SPTAN1: variants seen among roughly 807,000 people sequenced by gnomAD.
The protein encoded by SPTAN1 is spectrin alpha, non-erythrocytic 1, also known as spectrin alpha chain, non-erythrocytic 1.
A neutral mutation model predicts 331.3 loss-of-function variants in SPTAN1; 61 were observed. The ratio of observed to expected loss-of-function variants is 0.18; its 90% confidence interval spans 0.15 to 0.23. The LOEUF (loss-of-function observed/expected upper bound fraction) is 0.23, where lower values mean the gene tolerates loss of function less well. SPTAN1 is among the 10% of genes least tolerant of loss of function. The pLI, the probability that SPTAN1 is intolerant of heterozygous loss-of-function variation, is 1.00. For missense variants in SPTAN1, 2,043 were observed against 3,147.9 expected, an observed-to-expected ratio of 0.65 and a Z score of 8.40; for synonymous variants, 1,153 against 1,173.9, an observed-to-expected ratio of 0.98 and a Z score of 0.36.
Position 128,613,479 on chromosome 9 carries a change from C to T in SPTAN1, c.5142C>T (p.Ala1714=). ...KHQLLEADIS[A]HEDRLKDLNS... ...AACTGCTGGAAGCAGATATATCTGC[C>T]CATGAGGTAAGCAAAGGGAGGCGGG... Residue 1714 remains alanine, a synonymous_variant, in exon 40 of 57, where the codon GCC becomes GCT. Coordinates refer to ENST00000372739, the MANE Select transcript of SPTAN1 (RefSeq NM_001130438.3). 1 of 1,614,020 alleles carries T rather than the reference C, an allele frequency of 6.2e-7. No homozygotes were observed.
At chr9:128,585,473 T>C (rs1000720497) in intron 18 of SPTAN1, among the ~76,000 whole-genome samples, 3 of 152,208 alleles carry the variant, frequency 2.0e-5, no homozygotes, top group Middle Eastern at 3.2e-3. Context: ...ACAGTGGTAC[T>C]GTTACTAGTC....
chr9:128,586,288 G>A (rs925072741), intron 19 of SPTAN1, among the ~76,000 whole-genome samples: 1 of 151,372 alleles, frequency 6.6e-6, no homozygotes, highest in Non-Finnish European at 1.5e-5. Context: ...GCCTAGCTAC[G>A]CTTTTTAATT....
At chr9:128,621,711 A>G (rs1246534101) in intron 45 of SPTAN1, 1 of 261,780 alleles carries the variant, frequency 3.8e-6, no homozygotes, top group Non-Finnish European at 7.5e-6. Context: ...ACTCCCGTTT[A>G]ATAGGATCAT....
At chr9:128,620,953 C>T (rs1031446548) in intron 44 of SPTAN1, among the ~76,000 whole-genome samples, 3 of 152,156 alleles carry the variant, frequency 2.0e-5, no homozygotes, top group African/African-American at 4.8e-5. Context: ...CTGCTGGTTA[C>T]TCTCACTGCC....
Position 128,580,979 on chromosome 9 carries a change from C to A in SPTAN1, c.1381C>A (p.Gln461Lys), listed in dbSNP as rs1851872120. 6.2e-7 allele frequency: 1 copy of A among 1,613,836 alleles called. No homozygotes were observed. Residue 461 changes from glutamine to lysine, a missense_variant, in exon 11 of 57, where the codon CAG (glutamine) becomes AAG (lysine). Around this residue, in one of 12 missense-constraint regions of SPTAN1, gnomAD observed 1,038 missense variants for 1,531.5 expected, o/e 0.68. Transcript: ENST00000372739. Reference protein sequence around the residue: ...ALLELWELRRQQYEQCMDLQL... With the variant: ...ALLELWELRRKQYEQCMDLQL... ...GCTGGAGCTGTGGGAGCTGCGCAGG[C>A]AGCAGTACGAGCAGTGCATGGACCT...
chr9:128,566,247 G>A (rs1394940677), intron 1 of SPTAN1, among the ~76,000 whole-genome samples: 2 of 151,972 alleles, frequency 1.3e-5, no homozygotes, highest in Non-Finnish European at 2.9e-5. Flanking sequence ...TAGTAGAGAC[G>A]GTGTTTCACC....
Position 128,575,342 on chromosome 9 carries a change from A to G in SPTAN1, c.648A>G (p.Ile216Met). 6.2e-7 allele frequency: 1 copy of G among 1,611,298 alleles called. No homozygotes were observed. The highest frequency in any genetic ancestry group is 8.5e-7 in the Non-Finnish European group (1 of 1,180,010). ...TGAACCAGTTTGCTGCCAAACTCAT[A>G]CAGGTAAATAGCAAAGTGCTGTATG... ...NEVNQFAAKL[I>M]QEQHPEEELI... The change falls in exon 5 of 57, where the codon ATA (isoleucine) becomes ATG (methionine). Residue 216 changes from isoleucine (I) to methionine (M), a missense_variant. Physicochemically the swap from Ile to Met is conservative, Grantham distance 10. Transcript: ENST00000372739.
At position 128,630,315 on chromosome 9, in the gene SPTAN1, G is replaced by T; in HGVS notation, c.6708-6G>T. The T allele has an allele frequency of 6.2e-7, 1 of 1,613,754 alleles. No homozygotes were observed. The highest frequency in any genetic ancestry group is 8.5e-7 in the Non-Finnish European group (1 of 1,179,986). On this transcript the variant is annotated splice_region_variant and splice_polypyrimidine_tract_variant and intron_variant, in intron 51 of 56. Coordinates refer to ENST00000372739, the MANE Select transcript of SPTAN1 (RefSeq NM_001130438.3). ...GCCCCTTTCCTCACTGTCCTTCCAC[G>T]TTTAGGTCCTGTATGGTGGAAGAGT...
intron 34 of SPTAN1, 71 bp downstream of exon 34, chr9:128,608,347 G>T: frequency 6.3e-7 from 1 of 1,589,550 alleles, no homozygotes; most frequent in Non-Finnish European, 8.6e-7. Flanking sequence ...GGCTTATATA[G>T]TCACTGTTAT....
intron 1 of SPTAN1, 91 bp from the exon 2 acceptor site, chr9:128,566,647 G>A (rs1322815133): frequency 3.4e-5 from 53 of 1,574,934 alleles, no homozygotes; most frequent in Non-Finnish European, 4.3e-5. Context: ...GGGTTTATCT[G>A]ATAATTATTT....
At position 128,608,002 on chromosome 9, in the gene SPTAN1, G is replaced by T. The variant is rs1444736163; in HGVS notation, c.4297G>T (p.Ala1433Ser). ...CCAGGAGCGTGCAGACCTGGAGAAGGCCTGGGTTCAGCGCAGGATGATGCT... is the reference window on the plus strand; with the variant it reads ...CCAGGAGCGTGCAGACCTGGAGAAGTCCTGGGTTCAGCGCAGGATGATGCT... ...LDQERADLEK[A>S]WVQRRMMLDQ... The change falls in exon 33 of 57, where the codon GCC becomes TCC. Residue 1433 changes from alanine to serine, a missense_variant. Ala to Ser is a moderately conservative substitution (Grantham distance 99). Coordinates refer to ENST00000372739, the MANE Select transcript of SPTAN1 (RefSeq NM_001130438.3). 4 of 1,614,136 alleles carry T rather than the reference G, an allele frequency of 2.5e-6. No individual in the cohort carries two copies. The highest frequency in any genetic ancestry group is 1.1e-5 in the South Asian group (1 of 91,076).
Position 128,605,448 on chromosome 9 carries a change from C to G in SPTAN1, c.4017C>G (p.His1339Gln). 6.2e-7 allele frequency: 1 copy of G among 1,614,172 alleles called. No individual in the cohort carries two copies. The highest frequency in any genetic ancestry group is 8.5e-7 in the Non-Finnish European group (1 of 1,180,022). ...GCAAGGCAAAGTTGGGTGACTCCCA[C>G]GACCTGCAGCGCTTCCTTAGCGATT... ...DQRKAKLGDS[H>Q]DLQRFLSDFR... is the part of the protein sequence containing the mutation. The change falls in exon 31 of 57, where the codon CAC becomes CAG. Residue 1339 changes from histidine to glutamine, a missense_variant. His to Gln is a conservative substitution (Grantham distance 24, BLOSUM62 0). Around this residue, in one of 12 missense-constraint regions of SPTAN1, gnomAD observed 179 missense variants for 215.7 expected, o/e 0.83. Coordinates refer to ENST00000372739, the MANE Select transcript of SPTAN1 (RefSeq NM_001130438.3).
chr9:128,569,421 C>G (rs1850403488), intron 3 of SPTAN1, among the ~76,000 whole-genome samples: 1 of 151,700 alleles, frequency 6.6e-6, no homozygotes. Flanking sequence ...GACTTTGAGG[C>G]AGGAGTCCTG....
chr9:128,584,230 A>G, intron 16 of SPTAN1, 52 bp from the exon 17 acceptor site: 1 of 1,613,314 alleles, frequency 6.2e-7, no homozygotes, highest in Non-Finnish European at 8.5e-7. Context: ...TTCTCTGTAT[A>G]CGATAAAACC....
chr9:128,560,980 C>T (rs1253701246), intron 1 of SPTAN1, among the ~76,000 whole-genome samples: 2 of 139,194 alleles, frequency 1.4e-5, no homozygotes, highest in East Asian at 4.4e-4. Context: ...AGCATCACTG[C>T]ACTCCAGCCT....
At chr9:128,581,670 A>G (rs1303483828) in intron 11 of SPTAN1, 112 bp from the exon 12 acceptor site, 3 of 845,488 alleles carry the variant, frequency 3.5e-6, no homozygotes, top group Non-Finnish European at 4.1e-6. Context: ...TTTAGCAGCC[A>G]TAAAATCTCT....
Position 128,605,390 on chromosome 9 carries a change from C to A in SPTAN1, c.3959C>A (p.Ala1320Asp), listed in dbSNP as rs568418347. The A allele has an allele frequency of 6.2e-7, 1 of 1,614,194 alleles. No individual in the cohort carries two copies. Among genetic ancestry groups the A allele is most frequent in the Non-Finnish European group, 8.5e-7 (1 of 1,180,048 alleles). The change falls in exon 31 of 57, where the codon GCC becomes GAC. Residue 1320 changes from alanine (A) to aspartate (D), a missense_variant. Around this residue, in one of 12 missense-constraint regions of SPTAN1, gnomAD observed 179 missense variants for 215.7 expected, o/e 0.83. Transcript: ENST00000372739. The stretch of plus-strand genomic sequence containing the variant: ...GAAAAGTGCACAGAGTTAAACCAGG[C>A]CTGGAGCAGCCTGGGGAAACGTGCA... ...LQEKCTELNQ[A>D]WSSLGKRADQ...
rs1193567431 is a variant in SPTAN1 at position 128,628,012 on chromosome 9, G to A, written c.6707+70G>A. 3 of 1,593,644 alleles carry A rather than the reference G, an allele frequency of 1.9e-6. No homozygotes were observed. The East Asian group carries it at 6.7e-5, about 36-fold the overall frequency. On this transcript the variant is annotated intron_variant, in intron 51 of 56. Coordinates refer to ENST00000372739, the MANE Select transcript of SPTAN1 (RefSeq NM_001130438.3). Reference sequence around the variant, plus strand: ...CTCGTGCGCTTGCCCCTCGTGGCCTGGCTTGTGGAGGATCCCGGGATGGGC... The same window carrying A: ...CTCGTGCGCTTGCCCCTCGTGGCCTAGCTTGTGGAGGATCCCGGGATGGGC...
At chr9:128,601,106 C>T (rs1038256879) in intron 27 of SPTAN1, among the ~76,000 whole-genome samples, 18 of 148,834 alleles carry the variant, frequency 1.2e-4, no homozygotes, top group African/African-American at 3.7e-4. Context: ...TCCTCAGCTC[C>T]CCTAGTAGCT....
Sources: allele counts gnomAD v4.1 joint callset (sites outside exome capture counted in the v4.1 genomes callset), GRCh38; gene constraint gnomAD v4.1.1; regional missense constraint gnomAD v4.1.1; transcripts MANE v1.5; gene names NCBI Gene and HGNC (gene_info 2026-07-23, HGNC 2026-07-21).